PIEZO1: variants seen among roughly 807,000 people sequenced by gnomAD.
The protein encoded by PIEZO1 is piezo type mechanosensitive ion channel component 1 (Er blood group).
In PIEZO1, 296 loss-of-function variants were observed where a neutral mutation model predicts 297.2. The observed-to-expected ratio is 1.00, with a 90% CI of 0.91 to 1.10. The LOEUF is 1.10. Among genes scored for constraint, PIEZO1 ranks in the 50% least tolerant of loss-of-function variants. PIEZO1 has a pLI of 0.00. For synonymous variants in PIEZO1, 2,427 were observed against 1,507.5 expected (o/e 1.61, Z -14.13); for missense variants, 5,018 against 3,455.5 (o/e 1.45, Z -11.34).
rs763477215 is a variant in PIEZO1, at chr16:88,717,174, A to ATCT, written c.6506_6508dup (p.Lys2169dup). ...GAGGCCACCCATGCCGTACTTGACGATCTTCTTCTTCTTCTGCCCTTTGGG... is the reference window on the plus strand; with the variant it reads ...GAGGCCACCCATGCCGTACTTGACGATCTTCTTCTTCTTCTTCTGCCCTTTGGG... On this transcript the variant is annotated inframe_insertion, in exon 45 of 51. Coordinates refer to ENST00000301015, the MANE Select transcript of PIEZO1 (RefSeq NM_001142864.4). 8 of 1,550,418 alleles carry ATCT rather than the reference A, an allele frequency of 5.2e-6. No individual in the cohort carries two copies. The highest frequency in any genetic ancestry group is 2.4e-5 in the South Asian group (2 of 84,068).
In PIEZO1 at chr16:88,716,246, G is replaced by A. The variant is rs980506949; in HGVS notation, c.7081C>T (p.Arg2361Cys). Residue 2361 changes from arginine to cysteine, a missense_variant, in exon 49 of 51, where the codon CGT becomes TGT. Arg to Cys is a radical substitution (Grantham distance 180, BLOSUM62 -3). Coordinates refer to ENST00000301015, the MANE Select transcript of PIEZO1 (RefSeq NM_001142864.4). ...VIPNLFPKYI[R>C]APNGPEANPV... ...TTGGCTTCGGGCCCGTTGGGGGCAC[G>A]GATGTACTTGGGGAAGAGATTAGGG... 13 of 1,494,780 alleles carry A rather than the reference G, an allele frequency of 8.7e-6. No homozygotes were observed. The highest frequency in any genetic ancestry group is 2.5e-5 in the East Asian group (1 of 40,434). The allele number at this position is 1,494,780 out of a possible 1,614,324, so 92.6% of individuals were successfully genotyped here. A position where few individuals can be genotyped will look rare whatever the true frequency, so the allele number is the denominator to read the frequency against.
chr16:88,778,684 C>A (rs966082006), intron 1 of PIEZO1, among the ~76,000 whole-genome samples: 2 of 152,238 alleles, frequency 1.3e-5, no homozygotes, highest in African/African-American at 4.8e-5. Context: ...AGATCCTCAC[C>A]CGCACACAGG....
In PIEZO1 at chr16:88,727,642, G is replaced by A. The variant is rs1904550128; in HGVS notation, c.3216C>T (p.Ser1072=). Residue 1072 remains serine (S), a synonymous_variant, in exon 23 of 51, where the codon AGC becomes AGT. Transcript: ENST00000301015. ...ALCIDYPWRW[S]RAVPMNSALI... Reference sequence around the variant, plus strand: ...GTGCGGAGTTCATGGGGACGGCCCGGCTCCAGCGCCAGGGATAATCTGGGG... The same window carrying A: ...GTGCGGAGTTCATGGGGACGGCCCGACTCCAGCGCCAGGGATAATCTGGGG... 3 of 1,489,984 alleles carry A rather than the reference G, an allele frequency of 2.0e-6. No individual in the cohort carries two copies. Among genetic ancestry groups the A allele is most frequent in the East Asian group, 2.6e-5 (1 of 38,872 alleles). 92.3% of individuals were successfully genotyped at this position (1,489,984 alleles called of 1,614,324 possible). A position where few individuals can be genotyped will look rare whatever the true frequency, so the allele number is the denominator to read the frequency against.
intron 22 of PIEZO1, 187 bp downstream of exon 22, chr16:88,731,519 G>A: frequency 3.4e-6 from 2 of 589,908 alleles, no homozygotes; most frequent in Non-Finnish European, 6.0e-6. Flanking sequence ...GAGGGGGCCA[G>A]GCCGCCCCCG....
At chr16:88,734,606 CG>C in intron 15 of PIEZO1, 43 bp downstream of exon 15, 1 of 1,549,004 alleles carries the variant, frequency 6.5e-7, no homozygotes, top group Non-Finnish European at 8.7e-7. Context: ...GGGAAGTGCA[CG>C]GGGTTTCGGC....
At chr16:88,727,528 C>T (rs777942316) in intron 23 of PIEZO1, 29 bp downstream of exon 23, 2 of 853,876 alleles carry the variant, frequency 2.3e-6, no homozygotes, top group East Asian at 2.7e-5. Flanking sequence ...GGGTCCTCTG[C>T]AGAGGCGGGG....
At chr16:88,731,548 A>G (rs1246322312) in intron 22 of PIEZO1, 158 bp downstream of exon 22, 5 of 605,252 alleles carry the variant, frequency 8.3e-6, no homozygotes, top group South Asian at 4.1e-5. Flanking sequence ...GATGCAGGTG[A>G]TGGCGCCTGG....
Position 88,722,423 on chromosome 16 carries a change from G to C in PIEZO1, c.4776-26C>G, listed in dbSNP as rs759150055. The C allele has an allele frequency of 1.9e-5, 28 of 1,482,870 alleles. No homozygotes were observed. In the South Asian group the frequency reaches 2.7e-4, roughly 14 times the overall value. 91.9% of individuals were successfully genotyped at this position (1,482,870 alleles called of 1,614,324 possible). A position where few individuals can be genotyped will look rare whatever the true frequency, so the allele number is the denominator to read the frequency against. ...CTGGGGAGGGAAGCCGAGTCACAGA[G>C]AATCCTGCTCTATGGCCTGACCCCA... is the stretch of plus-strand genomic sequence containing the variant. On this transcript the variant is annotated intron_variant, in intron 35 of 50. Transcript: ENST00000301015.
chr16:88,775,874 G>A (rs540009374), intron 1 of PIEZO1, among the ~76,000 whole-genome samples: 104 of 152,310 alleles, frequency 6.8e-4, no homozygotes, highest in Middle Eastern at 6.8e-3. Context: ...AAACAGCTGG[G>A]AGACTTGAGG....
rs766189231 is a variant in PIEZO1 at position 88,719,787 on chromosome 16, C to T, written c.6323+15G>A. 25 of 1,550,190 alleles carry T rather than the reference C, an allele frequency of 1.6e-5. No homozygotes were observed. The highest frequency in any genetic ancestry group is 1.7e-4 in the Middle Eastern group (1 of 6,014). On this transcript the variant is annotated intron_variant, in intron 43 of 50. Coordinates refer to ENST00000301015, the MANE Select transcript of PIEZO1 (RefSeq NM_001142864.4). ...GCCCGGGCCGTGACCCCCACCCCGGCGGACCTGCACTCACCCCTGGAAGAG... is the reference window on the plus strand; with the variant it reads ...GCCCGGGCCGTGACCCCCACCCCGGTGGACCTGCACTCACCCCTGGAAGAG...
At position 88,737,575 on chromosome 16, in the gene PIEZO1, G is replaced by T. The variant is rs780119372; in HGVS notation, c.1179C>A (p.Ser393=). ...GGTACTCACCAGGCCGCCGCAGGAC[G>T]GAGCTCTGGCCGGTCAGCTCGTGCA... ...CIVHELTGQS[S]VLRRPVRPKR... is the part of the protein sequence containing the mutation. Residue 393 remains serine (S), a synonymous_variant, in exon 10 of 51, where the codon TCC becomes TCA. Transcript: ENST00000301015. The T allele has an allele frequency of 4.6e-6, 7 of 1,533,774 alleles. No individual in the cohort carries two copies. The Admixed American group carries it at 5.9e-5, about 13-fold the overall frequency.
At chr16:88,742,538 A>C (rs984419377) in intron 2 of PIEZO1, 116 bp from the exon 3 acceptor site, 1 of 1,089,492 alleles carries the variant, frequency 9.2e-7, no homozygotes, top group African/African-American at 1.6e-5. Context: ...CTGAGATGCA[A>C]ACCCGCCATG....
At chr16:88,776,420 C>T (rs542158231) in intron 1 of PIEZO1, among the ~76,000 whole-genome samples, 108 of 151,124 alleles carry the variant, frequency 7.1e-4, no homozygotes, top group African/African-American at 2.5e-3. Flanking sequence ...GGCGACAGAG[C>T]GAGACTCTGT....
At chr16:88,780,879 C>G (rs748520148) in intron 1 of PIEZO1, among the ~76,000 whole-genome samples, 3 of 152,186 alleles carry the variant, frequency 2.0e-5, no homozygotes, top group Non-Finnish European at 4.4e-5. Flanking sequence ...ATGGCTTGAG[C>G]CCTGGAGGCT....
chr16:88,732,757 C>A (rs1353580409), intron 19 of PIEZO1, 25 bp from the exon 20 acceptor site: 5 of 1,524,394 alleles, frequency 3.3e-6, no homozygotes, highest in Non-Finnish European at 4.4e-6. Context: ...GGCATCAGTG[C>A]CCCCTCCCAG....
At position 88,720,610 on chromosome 16, in the gene PIEZO1, A is replaced by T; in HGVS notation, c.5801+6T>A. ...TCCCCAGCTGCCCCCGGCCGCCATC[A>T]CTCACAGGGACAGGCAGAAGCCCTG... is the stretch of plus-strand genomic sequence containing the variant. On this transcript the variant is annotated splice_donor_region_variant and intron_variant, in intron 40 of 50. Coordinates refer to ENST00000301015, the MANE Select transcript of PIEZO1 (RefSeq NM_001142864.4). 6.5e-7 allele frequency: 1 copy of T among 1,532,518 alleles called. No individual in the cohort carries two copies. The highest frequency in any genetic ancestry group is 8.8e-7 in the Non-Finnish European group (1 of 1,141,186). 94.9% of individuals were successfully genotyped at this position (1,532,518 alleles called of 1,614,324 possible).
chr16:88,734,333 G>C (rs761076808), intron 16 of PIEZO1, 23 bp downstream of exon 16: 9 of 1,492,916 alleles, frequency 6.0e-6, no homozygotes, highest in Middle Eastern at 2.1e-4. Flanking sequence ...CTCCAGGGCC[G>C]GACAGGGAGG....
intron 31 of PIEZO1, 22 bp from the exon 32 acceptor site, chr16:88,723,350 AGG>A: frequency 6.5e-7 from 1 of 1,536,064 alleles, no homozygotes; most frequent in Non-Finnish European, 8.7e-7. Context: ...CCCCCGGGTT[AGG>A]ACCCGGCCTC....
In PIEZO1 at chr16:88,732,341, C is replaced by T; in HGVS notation, c.2985G>A (p.Gly995=). Residue 995 remains glycine (G), a synonymous_variant, in exon 21 of 51, where the codon GGG becomes GGA. Transcript: ENST00000301015. ...YFINFFFYKF[G]LEICFLMAVN... is the part of the protein sequence containing the mutation. Reference sequence around the variant, plus strand: ...GGCAATGTCCTTGCCTCACCTCCAGCCCGAATTTGTAGAAGAAGAAGTTGA... The same window carrying T: ...GGCAATGTCCTTGCCTCACCTCCAGTCCGAATTTGTAGAAGAAGAAGTTGA... 1 of 1,549,324 alleles carries T rather than the reference C, an allele frequency of 6.5e-7. No homozygotes were observed. The highest frequency in any genetic ancestry group is 8.7e-7 in the Non-Finnish European group (1 of 1,146,224).
Sources: gnomAD v4.1 joint callset for allele counts (sites outside exome capture counted in the v4.1 genomes callset) on GRCh38, gnomAD v4.1.1 for gene constraint, MANE v1.5 for transcripts, NCBI Gene and HGNC (gene_info 2026-07-23, HGNC 2026-07-21) for gene names.